RBPJ: variants seen among roughly 807,000 people sequenced by gnomAD.
RBPJ encodes recombining binding protein suppressor of hairless.
Under a neutral mutation model 67.8 loss-of-function variants are expected in RBPJ, and 9 were observed. The ratio of observed to expected loss-of-function variants is 0.13; its 90% CI spans 0.08 to 0.23. The LOEUF (loss-of-function observed/expected upper bound fraction) is 0.23, where lower values mean the gene tolerates loss of function less well. Ranked by LOEUF, RBPJ falls within the 10% of genes least tolerant of loss-of-function variation. The pLI, the probability that RBPJ is intolerant of heterozygous loss-of-function variation, is 1.00. For synonymous variants in RBPJ, 198 were observed against 203.3 expected (o/e 0.97, Z 0.22); for missense variants, 305 against 595.6 (o/e 0.51, Z 5.08).
At chr4:26,379,243 G>T (rs1730072584) in intron 1 of RBPJ, among the ~76,000 whole-genome samples, 1 of 151,808 alleles carries the variant, frequency 6.6e-6, no homozygotes, top group African/African-American at 2.4e-5. Flanking sequence ...ACAGTGGTGG[G>T]ATCATAGCTC....
chr4:26,237,905 G>A (rs745899534), intron 1 of RBPJ, among the ~76,000 whole-genome samples: 1 of 151,950 alleles, frequency 6.6e-6, no homozygotes, highest in Admixed American at 6.6e-5. Flanking sequence ...TTGAGATGAG[G>A]TCTCACTATG....
intron 1 of RBPJ, among the ~76,000 whole-genome samples, chr4:26,341,457 T>C (rs1725516533): frequency 6.6e-6 from 1 of 151,858 alleles, no homozygotes; most frequent in African/African-American, 2.4e-5. Context: ...CTACTAAAAA[T>C]ACAAAAATTA....
intron 1 of RBPJ, among the ~76,000 whole-genome samples, chr4:26,367,095 G>C (rs1452680201): frequency 6.6e-6 from 1 of 151,968 alleles, no homozygotes; most frequent in Non-Finnish European, 1.5e-5. Flanking sequence ...CTGCACTTCA[G>C]CCTGGGCGAC....
At chr4:26,337,058 T>TC (rs1724917750) in intron 1 of RBPJ, among the ~76,000 whole-genome samples, 1 of 151,962 alleles carries the variant, frequency 6.6e-6, no homozygotes, top group Non-Finnish European at 1.5e-5. Context: ...GTCTCCCGGG[T>TC]TCAAGCGATT....
chr4:26,360,456 C>T (rs937588361), intron 1 of RBPJ, among the ~76,000 whole-genome samples: 6 of 152,142 alleles, frequency 3.9e-5, no homozygotes, highest in African/African-American at 1.2e-4. Context: ...TATTGTGTTG[C>T]GGGCTTTGGT....
At chr4:26,338,062 G>T (rs1345265130) in intron 1 of RBPJ, among the ~76,000 whole-genome samples, 1 of 130,368 alleles carries the variant, frequency 7.7e-6, no homozygotes, top group Non-Finnish European at 1.7e-5. Flanking sequence ...AGGCAGGTTT[G>T]TAGTTTTTCT....
In RBPJ at chr4:26,271,778, A is replaced by G. The variant is rs911034864; in HGVS notation, c.-166-90668A>G. On this transcript the variant is annotated intron_variant, in intron 1 of 4. Transcript: ENST00000512351. ...CTTCTATGTGAAAGCCAGATTTATC[A>G]ACTTTGAAAGACCCATGAGTCTTCA... Among the ~76,000 whole-genome samples the G allele has an allele frequency of 2.0e-5, 3 of 152,294 alleles. No homozygotes were observed. The South Asian group carries it at 6.2e-4, about 32-fold the overall frequency.
intron 3 of RBPJ, among the ~76,000 whole-genome samples, chr4:26,408,056 A>G (rs1733639297): frequency 6.6e-6 from 1 of 151,372 alleles, no homozygotes; most frequent in African/African-American, 2.4e-5. Flanking sequence ...TGTATTTTTT[A>G]TAGAGACGGG....
chr4:26,205,361 A>G (rs887498825), intron 1 of RBPJ, among the ~76,000 whole-genome samples: 12 of 152,214 alleles, frequency 7.9e-5, no homozygotes, highest in Non-Finnish European at 1.8e-4. Flanking sequence ...ATGAGGCTGG[A>G]TTAGCAGCTG....
At chr4:26,187,154 G>T (rs747663511) in intron 1 of RBPJ, among the ~76,000 whole-genome samples, 17 of 152,208 alleles carry the variant, frequency 1.1e-4, no homozygotes, top group Admixed American at 1.1e-3. Flanking sequence ...CCCGGGAAGT[G>T]GAGGCTGCGG....
chr4:26,390,950 G>C (rs897059497), intron 2 of RBPJ, among the ~76,000 whole-genome samples: 2 of 152,150 alleles, frequency 1.3e-5, no homozygotes, highest in Non-Finnish European at 2.9e-5. Context: ...CAGCTACATT[G>C]GGAAGCTGAG....
chr4:26,217,781 C>G (rs1388162156), intron 1 of RBPJ, among the ~76,000 whole-genome samples: 1 of 152,176 alleles, frequency 6.6e-6, no homozygotes, highest in Admixed American at 6.5e-5. Flanking sequence ...TCTAAATTCC[C>G]TCCCAAGATC....
chr4:26,307,207 T>TGA (rs1283034344), intron 1 of RBPJ, among the ~76,000 whole-genome samples: 5 of 152,204 alleles, frequency 3.3e-5, no homozygotes, highest in South Asian at 2.1e-4. Flanking sequence ...CTGAGATGAT[T>TGA]GATGTCTGTG....
chr4:26,111,699 G>T, the RBPJ span, among the ~76,000 whole-genome samples: 410 of 152,340 alleles, frequency 2.7e-3, 2 homozygotes, highest in African/African-American at 9.1e-3. Context: ...ATTGAAGTGT[G>T]TGTGCAGGTG....
chr4:26,308,891 G>C (rs879273273), intron 1 of RBPJ, among the ~76,000 whole-genome samples: 1 of 152,182 alleles, frequency 6.6e-6, no homozygotes, highest in Non-Finnish European at 1.5e-5. Context: ...GGCCAGAGAA[G>C]AAAATAAAGG....
chr4:26,305,315 T>C (rs1391951955), intron 1 of RBPJ, among the ~76,000 whole-genome samples: 1 of 152,222 alleles, frequency 6.6e-6, no homozygotes, highest in Non-Finnish European at 1.5e-5. Context: ...TTGGCTATTG[T>C]GGGTTCCATA....
chr4:26,308,309 C>A (rs530430995), intron 1 of RBPJ, among the ~76,000 whole-genome samples: 1 of 151,864 alleles, frequency 6.6e-6, no homozygotes, highest in Admixed American at 6.6e-5. Context: ...ATGCATTTTA[C>A]AAATGAAATA....
intron 1 of RBPJ, among the ~76,000 whole-genome samples, chr4:26,298,793 T>C (rs745700081): frequency 2.0e-5 from 3 of 152,192 alleles, no homozygotes; most frequent in East Asian, 1.9e-4. Flanking sequence ...CCAAAACTTA[T>C]GTCATCAAGC....
intron 4 of RBPJ, among the ~76,000 whole-genome samples, chr4:26,418,730 A>C (rs1197751712): frequency 2.6e-5 from 4 of 152,306 alleles, no homozygotes; most frequent in South Asian, 4.1e-4. Flanking sequence ...CTTCATTTAG[A>C]TATAAATTTC....
Sources: gnomAD v4.1 joint callset for allele counts (sites outside exome capture counted in the v4.1 genomes callset) on GRCh38, gnomAD v4.1.1 for gene constraint, MANE v1.5 for transcripts, NCBI Gene and HGNC (gene_info 2026-07-23, HGNC 2026-07-21) for gene names.